OR51V1: variants seen among roughly 807,000 people sequenced by gnomAD.
The protein encoded by OR51V1 is olfactory receptor 51V1.
In OR51V1, 16 loss-of-function variants were observed where a neutral mutation model predicts 16.3. The observed-to-expected ratio is 0.98, with a 90% CI of 0.67 to 1.49. The LOEUF is 1.49. OR51V1 is among the 40% of genes most tolerant of loss of function. OR51V1 has a pLI of 0.00. For synonymous variants in OR51V1, 189 were observed against 142.2 expected (o/e 1.33, Z -2.34); for missense variants, 469 against 380.4 (o/e 1.23, Z -1.94).
Position 5,199,894 on chromosome 11 carries a change from C to T in OR51V1, c.789G>A (p.Met263Ile), listed in dbSNP as rs377216156. The change falls in exon 1 of 1, where the codon ATG becomes ATA. Residue 263 changes from methionine to isoleucine, a missense_variant. Transcript: ENST00000641270. ...VFYIPIISLT[M>I]VHRFGKHLSP... ...AAAGGTGCTTGCCAAAACGGTGCAC[C>T]ATTGTGAGGCTAATGATAGGGATGT... 7.4e-6 allele frequency: 12 copies of T among 1,614,020 alleles called. No homozygotes were observed. The highest frequency in any genetic ancestry group is 1.3e-5 in the African/African-American group (1 of 75,004).
Position 5,199,763 on chromosome 11 carries a change from A to G in OR51V1, c.920T>C (p.Leu307Pro), listed in dbSNP as rs534660866. ...VKTQQIHTRM[L>P]RLFSLKRY ...ATATCTTTTCAGAGAAAAGAGTCTA[A>G]GCATTCTGGTATGAATCTGTTGGGT... Residue 307 changes from leucine to proline, a missense_variant, in exon 1 of 1, where the codon CTT (leucine) becomes CCT (proline). Physicochemically the swap from Leu to Pro is moderately conservative, Grantham distance 98. Coordinates refer to ENST00000641270, the MANE Select transcript of OR51V1 (RefSeq NM_001004760.3). 6.2e-7 allele frequency: 1 copy of G among 1,609,636 alleles called. No homozygotes were observed. The highest frequency in any genetic ancestry group is 8.5e-7 in the Non-Finnish European group (1 of 1,176,870).
Position 5,200,442 on chromosome 11 carries a change from C to G in OR51V1, c.241G>C (p.Val81Leu), listed in dbSNP as rs1847198596. 2 of 1,614,052 alleles carry G rather than the reference C, an allele frequency of 1.2e-6. No homozygotes were observed. Among genetic ancestry groups the G allele is most frequent in the Non-Finnish European group, 8.5e-7 (1 of 1,180,000 alleles). Residue 81 changes from valine (V) to leucine (L), a missense_variant, in exon 1 of 1, where the codon GTG (valine) becomes CTG (leucine). Coordinates refer to ENST00000641270, the MANE Select transcript of OR51V1 (RefSeq NM_001004760.3). Reference protein sequence around the residue: ...LTDLCMGLSTVYTVLGILWGI... With the variant: ...LTDLCMGLSTLYTVLGILWGI... The stretch of plus-strand genomic sequence containing the variant: ...CACAGGATCCCCAGCACTGTGTACA[C>G]AGTGGACAGCCCCATGCACAGGTCA...
chr11:5,200,555 A>G lies in OR51V1; in HGVS notation c.128T>C (p.Leu43Ser). 6.2e-7 allele frequency: 1 copy of G among 1,613,894 alleles called. No individual in the cohort carries two copies. Among genetic ancestry groups the G allele is most frequent in the Non-Finnish European group, 8.5e-7 (1 of 1,179,786 alleles). The stretch of plus-strand genomic sequence containing the variant: ...CACATGGAGAACCATGCAATTGCCC[A>G]AAAGCACCATGGCATAGATTGAGGA... ...PFSSIYAMVL[L>S]GNCMVLHVIW... Residue 43 changes from leucine to serine, a missense_variant, in exon 1 of 1, where the codon TTG becomes TCG. Physicochemically the swap from Leu to Ser is moderately radical, Grantham distance 145. Transcript: ENST00000641270.
chr11:5,199,784 T>C lies in OR51V1; in HGVS notation c.899A>G (p.Gln300Arg), dbSNP rs1186852769. Residue 300 changes from glutamine to arginine, a missense_variant, in exon 1 of 1, where the codon CAA becomes CGA. By Grantham distance (43) the Gln-to-Arg change is conservative. Coordinates refer to ENST00000641270, the MANE Select transcript of OR51V1 (RefSeq NM_001004760.3). ...TCTAAGCATTCTGGTATGAATCTGT[T>C]GGGTCTTGACACTGTAGATGATGGG... The part of the protein sequence containing the change: ...MNPIIYSVKT[Q>R]QIHTRMLRLF... 1 of 1,613,358 alleles carries C rather than the reference T, an allele frequency of 6.2e-7. No individual in the cohort carries two copies. The highest frequency in any genetic ancestry group is 1.7e-5 in the Admixed American group (1 of 59,992).
Position 5,200,152 on chromosome 11 carries a change from A to T in OR51V1, c.531T>A (p.Leu177=). The change falls in exon 1 of 1, where the codon CTT becomes CTA. Residue 177 remains leucine, a synonymous_variant. Transcript: ENST00000641270. ...KFFNYCHFHI[L]SHSFCLHQDL... is the part of the protein sequence containing the mutation. Reference sequence around the variant, plus strand: ...CCTGGTGCAGGCAGAAAGAGTGAGAAAGGATGTGGAAATGACAGTAATTAA... The same window carrying T: ...CCTGGTGCAGGCAGAAAGAGTGAGATAGGATGTGGAAATGACAGTAATTAA... 6.2e-7 allele frequency: 1 copy of T among 1,612,676 alleles called. No individual in the cohort carries two copies. Among genetic ancestry groups the T allele is most frequent in the Non-Finnish European group, 8.5e-7 (1 of 1,178,982 alleles).
At position 5,200,575 on chromosome 11, in the gene OR51V1, T is replaced by C. The variant is rs756784875; in HGVS notation, c.108A>G (p.Ser36=). ...QYPWLSIPFS[S]IYAMVLLGNC... is the part of the protein sequence containing the mutation. ...TGCCCAAAAGCACCATGGCATAGAT[T>C]GAGGAGAAGGGGATGGAAAGCCAGG... The change falls in exon 1 of 1, where the codon TCA becomes TCG. Residue 36 remains serine, a synonymous_variant. Transcript: ENST00000641270. 1 of 1,613,754 alleles carries C rather than the reference T, an allele frequency of 6.2e-7. No individual in the cohort carries two copies. The highest frequency in any genetic ancestry group is 1.1e-5 in the South Asian group (1 of 91,064).
Position 5,200,136 on chromosome 11 carries a change from G to C in OR51V1, c.547C>G (p.Leu183Val), listed in dbSNP as rs766461753. Residue 183 changes from leucine (L) to valine (V), a missense_variant, in exon 1 of 1, where the codon CTG (leucine) becomes GTG (valine). Leu to Val is a conservative substitution (Grantham distance 32). Coordinates refer to ENST00000641270, the MANE Select transcript of OR51V1 (RefSeq NM_001004760.3). ...GCTAAGCGGAGAAGATCCTGGTGCA[G>C]GCAGAAAGAGTGAGAAAGGATGTGG... ...HFHILSHSFC[L>V]HQDLLRLACS... is the part of the protein sequence containing the mutation. The C allele has an allele frequency of 3.1e-6, 5 of 1,613,434 alleles. No individual in the cohort carries two copies. The East Asian group carries it at 1.1e-4, about 36-fold the overall frequency.
At position 5,200,023 on chromosome 11, in the gene OR51V1, G is replaced by A; in HGVS notation, c.660C>T (p.Ser220=). The A allele has an allele frequency of 6.2e-7, 1 of 1,613,730 alleles. No individual in the cohort carries two copies. The highest frequency in any genetic ancestry group is 8.5e-7 in the Non-Finnish European group (1 of 1,179,688). Residue 220 remains serine (S), a synonymous_variant, in exon 1 of 1, where the codon TCC becomes TCT. Transcript: ENST00000641270. ...LLLDAILILF[S]YILILKSVLA... Reference sequence around the variant, plus strand: ...GGACTGACTTAAGAATCAGGATGTAGGAGAAAAGGATGAGTATAGCATCCA... The same window carrying A: ...GGACTGACTTAAGAATCAGGATGTAAGAGAAAAGGATGAGTATAGCATCCA...
rs954754975 is a variant in OR51V1, at chr11:5,200,564, A to G, written c.119T>C (p.Met40Thr). The G allele has an allele frequency of 6.2e-7, 1 of 1,613,804 alleles. No homozygotes were observed. The highest frequency in any genetic ancestry group is 1.3e-5 in the African/African-American group (1 of 74,888). Residue 40 changes from methionine (M) to threonine (T), a missense_variant, in exon 1 of 1, where the codon ATG (methionine) becomes ACG (threonine). By Grantham distance (81) the Met-to-Thr change is moderately conservative. Transcript: ENST00000641270. ...AACCATGCAATTGCCCAAAAGCACC[A>G]TGGCATAGATTGAGGAGAAGGGGAT... The part of the protein sequence containing the change: ...LSIPFSSIYA[M>T]VLLGNCMVLH...
In OR51V1 at chr11:5,199,811, T is replaced by C. The variant is rs1333005217; in HGVS notation, c.872A>G (p.Asn291Ser). 5 of 1,613,918 alleles carry C rather than the reference T, an allele frequency of 3.1e-6. No individual in the cohort carries two copies. In the East Asian group the frequency reaches 6.7e-5, roughly 22 times the overall value. The change falls in exon 1 of 1, where the codon AAT becomes AGT. Residue 291 changes from asparagine (N) to serine (S), a missense_variant. Transcript: ENST00000641270. The part of the protein sequence containing the change: ...NIYILFPPLM[N>S]PIIYSVKTQQ... The stretch of plus-strand genomic sequence containing the variant: ...GGTCTTGACACTGTAGATGATGGGA[T>C]TCATTAAAGGTGGGAAAAGGATGTA...
In OR51V1 at chr11:5,199,870, A is replaced by T. The variant is rs749363137; in HGVS notation, c.813T>A (p.Leu271=). 1.2e-6 allele frequency: 2 copies of T among 1,614,140 alleles called. No homozygotes were observed. Among genetic ancestry groups the T allele is most frequent in the East Asian group, 4.5e-5 (2 of 44,868 alleles). Reference sequence around the variant, plus strand: ...CAATGAGAACGTGGGCCACGGGGGAAAGGTGCTTGCCAAAACGGTGCACCA... The same window carrying T: ...CAATGAGAACGTGGGCCACGGGGGATAGGTGCTTGCCAAAACGGTGCACCA... The part of the protein sequence containing the change: ...LTMVHRFGKH[L]SPVAHVLIGN... Residue 271 remains leucine, a synonymous_variant, in exon 1 of 1, where the codon CTT becomes CTA. Coordinates refer to ENST00000641270, the MANE Select transcript of OR51V1 (RefSeq NM_001004760.3).
In OR51V1 at chr11:5,200,455, C is replaced by G. The variant is rs770651697; in HGVS notation, c.228G>C (p.Met76Ile). ...LSMLALTDLCMGLSTVYTVLG... is the reference protein window; with the variant it reads ...LSMLALTDLCIGLSTVYTVLG... ...GCACTGTGTACACAGTGGACAGCCCCATGCACAGGTCAGTGAGGGCCAGCA... is the reference window on the plus strand; with the variant it reads ...GCACTGTGTACACAGTGGACAGCCCGATGCACAGGTCAGTGAGGGCCAGCA... Residue 76 changes from methionine (M) to isoleucine (I), a missense_variant, in exon 1 of 1, where the codon ATG (methionine) becomes ATC (isoleucine). Coordinates refer to ENST00000641270, the MANE Select transcript of OR51V1 (RefSeq NM_001004760.3). 7 of 1,613,936 alleles carry G rather than the reference C, an allele frequency of 4.3e-6. No individual in the cohort carries two copies. Among genetic ancestry groups the G allele is most frequent in the Non-Finnish European group, 5.9e-6 (7 of 1,179,966 alleles).
In OR51V1 at chr11:5,200,191, G is replaced by A. The variant is rs1847192247; in HGVS notation, c.492C>T (p.Ile164=). The A allele has an allele frequency of 1.2e-6, 2 of 1,612,978 alleles. No individual in the cohort carries two copies. Among genetic ancestry groups the A allele is most frequent in the East Asian group, 2.2e-5 (1 of 44,884 alleles). Reference sequence around the variant, plus strand: ...GACAGTAATTAAAAAATTTCAGACAGATGATGGGGGGTGTAATAAAGAAAA... The same window carrying A: ...GACAGTAATTAAAAAATTTCAGACAAATGATGGGGGGTGTAATAAAGAAAA... The part of the protein sequence containing the change: ...RSFFFITPPI[I]CLKFFNYCHF... Residue 164 remains isoleucine, a synonymous_variant, in exon 1 of 1, where the codon ATC becomes ATT. Transcript: ENST00000641270.
rs866961237 is a variant in OR51V1 at position 5,199,868 on chromosome 11, G to A, written c.815C>T (p.Ser272Phe). The A allele has an allele frequency of 1.9e-6, 3 of 1,614,130 alleles. No homozygotes were observed. Among genetic ancestry groups the A allele is most frequent in the Non-Finnish European group, 2.5e-6 (3 of 1,180,024 alleles). ...TMVHRFGKHL[S>F]PVAHVLIGNI... ...GCCAATGAGAACGTGGGCCACGGGG[G>A]AAAGGTGCTTGCCAAAACGGTGCAC... The change falls in exon 1 of 1, where the codon TCC becomes TTC. Residue 272 changes from serine (S) to phenylalanine (F), a missense_variant. By Grantham distance (155) the Ser-to-Phe change is radical. Coordinates refer to ENST00000641270, the MANE Select transcript of OR51V1 (RefSeq NM_001004760.3).
chr11:5,200,119 G>C lies in OR51V1; in HGVS notation c.564C>G (p.Leu188=). 1 of 1,613,866 alleles carries C rather than the reference G, an allele frequency of 6.2e-7. No individual in the cohort carries two copies. Among genetic ancestry groups the C allele is most frequent in the East Asian group, 2.2e-5 (1 of 44,872 alleles). Residue 188 remains leucine, a synonymous_variant, in exon 1 of 1, where the codon CTC becomes CTG. Transcript: ENST00000641270. ...ATCGGATGTCTGAACAGGCTAAGCG[G>C]AGAAGATCCTGGTGCAGGCAGAAAG... is the stretch of plus-strand genomic sequence containing the variant. ...SHSFCLHQDL[L]RLACSDIRFN... is the part of the protein sequence containing the mutation.
chr11:5,199,983 GA>G lies in OR51V1; in HGVS notation c.699del (p.Gln234ArgfsTer56). The G allele has an allele frequency of 6.2e-7, 1 of 1,614,082 alleles. No individual in the cohort carries two copies. The highest frequency in any genetic ancestry group is 8.5e-7 in the Non-Finnish European group (1 of 1,179,972). On this transcript the variant is annotated frameshift_variant, in exon 1 of 1. Coordinates refer to ENST00000641270, the MANE Select transcript of OR51V1 (RefSeq NM_001004760.3). LOFTEE classifies it high-confidence loss of function. ...LILKSVLAVA[S>X]QEERHKLFQT... Reference sequence around the variant, plus strand: ...TGAAATAATTTATGCCTCTCTTCCTGAGAGGCAACTGCCAGGACTGACTTAA... The same window carrying G: ...TGAAATAATTTATGCCTCTCTTCCTGGAGGCAACTGCCAGGACTGACTTAA...
chr11:5,200,437 G>A lies in OR51V1; in HGVS notation c.246C>T (p.Tyr82=), dbSNP rs758941280. The change falls in exon 1 of 1, where the codon TAC becomes TAT. Residue 82 remains tyrosine, a synonymous_variant. Coordinates refer to ENST00000641270, the MANE Select transcript of OR51V1 (RefSeq NM_001004760.3). ...TDLCMGLSTV[Y]TVLGILWGII... The stretch of plus-strand genomic sequence containing the variant: ...TCCCCCACAGGATCCCCAGCACTGT[G>A]TACACAGTGGACAGCCCCATGCACA... 2 of 1,613,950 alleles carry A rather than the reference G, an allele frequency of 1.2e-6. No homozygotes were observed.
chr11:5,200,140 G>GA lies in OR51V1; in HGVS notation c.542dup (p.Cys182LeufsTer18). 6.2e-7 allele frequency: 1 copy of GA among 1,612,426 alleles called. No individual in the cohort carries two copies. Among genetic ancestry groups the GA allele is most frequent in the Non-Finnish European group, 8.5e-7 (1 of 1,178,680 alleles). On this transcript the variant is annotated frameshift_variant, in exon 1 of 1. Coordinates refer to ENST00000641270, the MANE Select transcript of OR51V1 (RefSeq NM_001004760.3). LOFTEE classifies it high-confidence loss of function. Reference sequence around the variant, plus strand: ...AGCGGAGAAGATCCTGGTGCAGGCAGAAAGAGTGAGAAAGGATGTGGAAAT... The same window carrying GA: ...AGCGGAGAAGATCCTGGTGCAGGCAGAAAAGAGTGAGAAAGGATGTGGAAAT...
At position 5,199,939 on chromosome 11, in the gene OR51V1, G is replaced by A. The variant is rs1051629790; in HGVS notation, c.744C>T (p.Ile248=). The part of the protein sequence containing the change: ...HKLFQTCISH[I]CAVLVFYIPI... Reference sequence around the variant, plus strand: ...GGATGTAGAACACAAGGACAGCACAGATGTGGGAGATGCAGGTCTGAAATA... The same window carrying A: ...GGATGTAGAACACAAGGACAGCACAAATGTGGGAGATGCAGGTCTGAAATA... Residue 248 remains isoleucine, a synonymous_variant, in exon 1 of 1, where the codon ATC becomes ATT. Transcript: ENST00000641270. 11 of 1,613,862 alleles carry A rather than the reference G, an allele frequency of 6.8e-6. No homozygotes were observed. Among genetic ancestry groups the A allele is most frequent in the Non-Finnish European group, 9.3e-6 (11 of 1,179,838 alleles).
Sources: gnomAD v4.1 joint callset for allele counts on GRCh38, gnomAD v4.1.1 for gene constraint, MANE v1.5 for transcripts, NCBI Gene and HGNC (gene_info 2026-07-23, HGNC 2026-07-21) for gene names.